Variants in TRAPPC9 observed in about 807,000 individuals in gnomAD.
The protein encoded by TRAPPC9 is trafficking protein particle complex subunit 9.
A neutral mutation model predicts 124.0 loss-of-function variants in TRAPPC9; 83 were observed. That is an observed-to-expected ratio of 0.67 (90% CI 0.56 to 0.80). TRAPPC9 has a LOEUF of 0.80. TRAPPC9 is among the 30% of genes least tolerant of loss of function. TRAPPC9 has a pLI of 0.00. For synonymous variants in TRAPPC9, 638 were observed against 617.5 expected, an observed-to-expected ratio of 1.03 and a Z score of -0.49; for missense variants, 1,302 against 1,508.3, an observed-to-expected ratio of 0.86 and a Z score of 2.27.
chr8:140,200,336 C>A (rs72688830), intron 17 of TRAPPC9, among the ~76,000 whole-genome samples: 30,809 of 152,126 alleles, frequency 0.2, 3,704 homozygotes, highest in Non-Finnish European at 0.27. Flanking sequence ...TGTAGATGCA[C>A]CCCCACCAGA....
intron 18 of TRAPPC9, among the ~76,000 whole-genome samples, chr8:140,020,082 T>C (rs901039381): frequency 6.6e-6 from 1 of 152,228 alleles, no homozygotes; most frequent in Non-Finnish European, 1.5e-5. Flanking sequence ...TTAGTAGTAA[T>C]GCCACCTCTT....
intron 21 of TRAPPC9, among the ~76,000 whole-genome samples, chr8:139,780,324 G>T (rs1821716264): frequency 1.3e-5 from 2 of 152,228 alleles, no homozygotes; most frequent in Non-Finnish European, 1.5e-5. Context: ...CAATGGACCA[G>T]AACAGAAACA....
At chr8:139,998,435 T>C (rs1050085094) in intron 18 of TRAPPC9, among the ~76,000 whole-genome samples, 11 of 152,226 alleles carry the variant, frequency 7.2e-5, no homozygotes, top group South Asian at 2.1e-4. Flanking sequence ...AGATACACAA[T>C]GGACTGGGCG....
chr8:140,151,548 C>T (rs1024792873), intron 17 of TRAPPC9, among the ~76,000 whole-genome samples: 2 of 152,124 alleles, frequency 1.3e-5, no homozygotes, highest in African/African-American at 2.4e-5. Context: ...CGTGAGCCTG[C>T]CTCCAAATGT....
chr8:140,368,997 C>A (rs181025290), intron 8 of TRAPPC9, among the ~76,000 whole-genome samples: 3 of 152,224 alleles, frequency 2.0e-5, no homozygotes, highest in African/African-American at 7.2e-5. Flanking sequence ...AAACACAGTT[C>A]CATGGTGTGC....
intron 17 of TRAPPC9, chr8:140,096,833 G>A (rs112284781): frequency 0.011 from 1,632 of 152,440 alleles, 14 homozygotes; most frequent in Middle Eastern, 0.03. Context: ...GGAGACCACC[G>A]TGAGGAAGTG....
chr8:140,139,993 G>A (rs1268953635), intron 17 of TRAPPC9, among the ~76,000 whole-genome samples: 1 of 152,160 alleles, frequency 6.6e-6, no homozygotes, highest in Non-Finnish European at 1.5e-5. Context: ...CTGAGGGAGT[G>A]GAATATGTTC....
intron 19 of TRAPPC9, among the ~76,000 whole-genome samples, chr8:139,942,525 A>G (rs1023382044): frequency 6.6e-6 from 1 of 152,216 alleles, no homozygotes; most frequent in African/African-American, 2.4e-5. Flanking sequence ...AGGTGTAACA[A>G]GAGTTCCACA....
At chr8:140,262,781 G>A (rs1252212422) in intron 15 of TRAPPC9, 1 of 152,232 alleles carries the variant, frequency 6.6e-6, no homozygotes, top group Non-Finnish European at 1.5e-5. Flanking sequence ...ATGTTTGATT[G>A]TTGAATAATA....
intron 17 of TRAPPC9, among the ~76,000 whole-genome samples, chr8:140,132,158 G>A (rs1035762898): frequency 1.3e-5 from 2 of 152,220 alleles, no homozygotes; most frequent in Non-Finnish European, 2.9e-5. Flanking sequence ...TAGGGGTAGT[G>A]ACTGATGGGG....
chr8:140,210,937 A>C (rs2063048099), intron 17 of TRAPPC9, among the ~76,000 whole-genome samples: 1 of 152,166 alleles, frequency 6.6e-6, no homozygotes, highest in African/African-American at 2.4e-5. Flanking sequence ...CAGGCCCCGA[A>C]GGGCTCGTGG....
Position 140,063,477 on chromosome 8 carries a change from G to A in TRAPPC9, c.2557-39398C>T, listed in dbSNP as rs544442028. Among the ~76,000 whole-genome samples, 3 of 152,074 alleles carry A rather than the reference G, an allele frequency of 2.0e-5. No homozygotes were observed. The highest frequency in any genetic ancestry group is 4.4e-5 in the Non-Finnish European group (3 of 68,028). On this transcript the variant is annotated intron_variant, in intron 17 of 22. Coordinates refer to ENST00000438773, the MANE Select transcript of TRAPPC9 (RefSeq NM_001160372.4). The surrounding 1 kb of genome is among the most constrained non-coding windows in gnomAD (Gnocchi z 4.3). ...TCCCTGTTAGCATGTGGCATTCCAG[G>A]GCTCTAAACACATCAGACTGTGCCT...
At chr8:139,748,675 TTGGCGTGTCTAGCG>T (rs1819117886) in intron 21 of TRAPPC9, among the ~76,000 whole-genome samples, 1 of 152,012 alleles carries the variant, frequency 6.6e-6, no homozygotes, top group Non-Finnish European at 1.5e-5. Context: ...GCATCTGCCA[TTGGCGTGTCTAGCG>T]CAGCCTCTCC....
intron 19 of TRAPPC9, among the ~76,000 whole-genome samples, chr8:139,980,832 C>T (rs1227747789): frequency 6.6e-6 from 1 of 152,130 alleles, no homozygotes; most frequent in African/African-American, 2.4e-5. Flanking sequence ...CCACACGCCC[C>T]CCACCTTCCA....
chr8:139,848,846 T>C (rs900313266), intron 21 of TRAPPC9, among the ~76,000 whole-genome samples: 12 of 152,220 alleles, frequency 7.9e-5, no homozygotes, highest in African/African-American at 2.7e-4. Context: ...CTGCTTCACA[T>C]ACTGAAGCCC....
At chr8:139,795,801 G>A (rs913326614) in intron 21 of TRAPPC9, among the ~76,000 whole-genome samples, 8 of 152,106 alleles carry the variant, frequency 5.3e-5, no homozygotes, top group East Asian at 1.9e-4. Flanking sequence ...AATCAGCTGC[G>A]CACAAGCCAA....
intron 19 of TRAPPC9, among the ~76,000 whole-genome samples, chr8:139,967,410 T>G (rs1370630821): frequency 6.6e-6 from 1 of 152,228 alleles, no homozygotes; most frequent in African/African-American, 2.4e-5. Flanking sequence ...GGAGAATAAC[T>G]TATCCTGCAC....
chr8:139,902,024 C>CTACG (rs1380765648), intron 20 of TRAPPC9, among the ~76,000 whole-genome samples: 2 of 152,206 alleles, frequency 1.3e-5, no homozygotes, highest in East Asian at 3.8e-4. Context: ...ATTACATAAG[C>CTACG]TACGCATGCT....
In TRAPPC9 at chr8:139,831,470, C is replaced by T. The variant is rs138655498; in HGVS notation, c.3055+54409G>A. ...GCAAGCACGCACACTAACACACACA[C>T]GCTCAGTCACACACAGGCATGCATA... On this transcript the variant is annotated intron_variant, in intron 21 of 22. Coordinates refer to ENST00000438773, the MANE Select transcript of TRAPPC9 (RefSeq NM_001160372.4). Among the ~76,000 whole-genome samples the T allele has an allele frequency of 5.4e-3, 823 of 152,304 alleles. 3 individuals carry two copies. The highest frequency in any genetic ancestry group is 0.02 in the Middle Eastern group (6 of 294).
Sources: allele counts gnomAD v4.1 joint callset (sites outside exome capture counted in the v4.1 genomes callset), GRCh38; gene constraint gnomAD v4.1.1; non-coding constraint Gnocchi (gnomAD v3.1); transcripts MANE v1.5; gene names NCBI Gene and HGNC (gene_info 2026-07-23, HGNC 2026-07-21).